Variants in PARD3 observed in about 807,000 individuals in gnomAD.
PARD3 encodes par-3 family cell polarity regulator.
Under a neutral mutation model 155.4 loss-of-function variants are expected in PARD3, and 75 were observed. The observed-to-expected ratio is 0.48, with a 90% confidence interval of 0.40 to 0.58. The LOEUF is 0.58. PARD3 is among the 20% of genes least tolerant of loss of function. The pLI, the probability that PARD3 is intolerant of heterozygous loss-of-function variation, is 0.00. For synonymous variants in PARD3, 576 were observed against 610.5 expected (o/e 0.94, Z 0.83); for missense variants, 1,642 against 1,721.7 (o/e 0.95, Z 0.82).
At chr10:34,572,640 C>CA (rs1197487501) in intron 2 of PARD3, among the ~76,000 whole-genome samples, 2,430 of 69,314 alleles carry the variant, frequency 0.035, 28 homozygotes, top group African/African-American at 0.071. Flanking sequence ...GACTCTGTCT[C>CA]AAAAAAAAAA....
intron 12 of PARD3, among the ~76,000 whole-genome samples, chr10:34,363,636 C>T (rs904117157): frequency 1.3e-5 from 2 of 152,200 alleles, no homozygotes; most frequent in Admixed American, 1.3e-4. Flanking sequence ...TAGAAACTAA[C>T]TTTCTATCAC....
At chr10:34,793,295 G>A (rs560280245) in intron 1 of PARD3, among the ~76,000 whole-genome samples, 1 of 152,330 alleles carries the variant, frequency 6.6e-6, no homozygotes, top group South Asian at 2.1e-4. Flanking sequence ...CTGGAGGGCA[G>A]TAGGACTCCA....
At chr10:34,788,485 T>C (rs1271576644) in intron 1 of PARD3, among the ~76,000 whole-genome samples, 1 of 150,110 alleles carries the variant, frequency 6.7e-6, no homozygotes, top group Admixed American at 6.7e-5. Flanking sequence ...AGTCTTGCTC[T>C]GTCACCCAAG....
intron 5 of PARD3, among the ~76,000 whole-genome samples, chr10:34,405,073 AACACAAAC>A (rs370763147): frequency 0.16 from 21,616 of 136,064 alleles, 2,366 homozygotes; most frequent in African/African-American, 0.38. Flanking sequence ...CCCCATCACA[AACACAAAC>A]ACACACACAC....
At chr10:34,367,117 A>G (rs1272824956) in intron 12 of PARD3, among the ~76,000 whole-genome samples, 1 of 152,196 alleles carries the variant, frequency 6.6e-6, no homozygotes, top group Non-Finnish European at 1.5e-5. Flanking sequence ...CATCAGACAA[A>G]CTCAAATTGA....
At position 34,131,466 on chromosome 10, in the gene PARD3, G is replaced by A. The variant is rs61735571; in HGVS notation, c.3537C>T (p.Pro1179=). 6.2e-7 allele frequency: 1 copy of A among 1,614,042 alleles called. No homozygotes were observed. Among genetic ancestry groups the A allele is most frequent in the Non-Finnish European group, 8.5e-7 (1 of 1,179,952 alleles). Residue 1179 remains proline, a synonymous_variant, in exon 23 of 25, where the codon CCC becomes CCT. Coordinates refer to ENST00000374788, the MANE Select transcript of PARD3 (RefSeq NM_001184785.2). ...DRRRTYSFEQ[P]WPNARPATQS... ...TGCTGAAGAACCAATTACTTACCCAGGGTTGCTCAAAACTATAGGTCCGCC... is the reference window on the plus strand; with the variant it reads ...TGCTGAAGAACCAATTACTTACCCAAGGTTGCTCAAAACTATAGGTCCGCC...
chr10:34,466,642 C>T (rs1317201900), intron 4 of PARD3, among the ~76,000 whole-genome samples: 1 of 152,022 alleles, frequency 6.6e-6, no homozygotes, highest in Non-Finnish European at 1.5e-5. Flanking sequence ...TACAGAAAAC[C>T]TGAACCACTA....
chr10:34,383,025 G>T (rs1164305491), intron 8 of PARD3, 103 bp from the exon 9 acceptor site: 4 of 1,318,568 alleles, frequency 3.0e-6, no homozygotes, highest in Non-Finnish European at 4.2e-6. Flanking sequence ...GAACTGACAG[G>T]CTGTTGAAAT....
chr10:34,741,140 T>A (rs932342661), intron 1 of PARD3, among the ~76,000 whole-genome samples: 9 of 150,752 alleles, frequency 6.0e-5, no homozygotes, highest in African/African-American at 2.2e-4. Flanking sequence ...AAATTGCCTA[T>A]GGAAAAGTCA....
At chr10:34,526,740 C>A (rs762514294) in intron 2 of PARD3, among the ~76,000 whole-genome samples, 48 of 152,164 alleles carry the variant, frequency 3.2e-4, no homozygotes, top group Non-Finnish European at 4.6e-4. Context: ...TGTTTAGATG[C>A]AGGGAAAGTA....
At position 34,121,420 on chromosome 10, in the gene PARD3, G is replaced by A. The variant is rs1023229746; in HGVS notation, c.3541-1680C>T. 5.3e-5 allele frequency among the ~76,000 whole-genome samples: 8 copies of A among 152,218 alleles called. No homozygotes were observed. The South Asian group carries it at 1.7e-3, about 32-fold the overall frequency. ...TATGCAACGTTGTGCAACAGGCATA[G>A]TCTGAGTGAGGAATGTCTGTTTGAA... On this transcript the variant is annotated intron_variant, in intron 23 of 24. Coordinates refer to ENST00000374788, the MANE Select transcript of PARD3 (RefSeq NM_001184785.2).
intron 22 of PARD3, among the ~76,000 whole-genome samples, chr10:34,268,538 T>C (rs1448315259): frequency 6.6e-6 from 1 of 151,566 alleles, no homozygotes; most frequent in Non-Finnish European, 1.5e-5. Flanking sequence ...CAAATGTCCA[T>C]CAATGATAGA....
chr10:34,485,981 T>C (rs2079438911), intron 3 of PARD3, among the ~76,000 whole-genome samples: 2 of 145,570 alleles, frequency 1.4e-5, no homozygotes, highest in Non-Finnish European at 3.0e-5. Flanking sequence ...TGGAGAGCAG[T>C]GTCACGATCG....
intron 1 of PARD3, 75 bp from the exon 2 acceptor site, chr10:34,696,494 A>G (rs1429768813): frequency 5.5e-6 from 5 of 910,644 alleles, no homozygotes; most frequent in Non-Finnish European, 9.0e-6. Flanking sequence ...TTAAACCGTG[A>G]TAACTTCCTG....
intron 7 of PARD3, among the ~76,000 whole-genome samples, chr10:34,389,219 C>T (rs1220908750): frequency 1.9e-5 from 2 of 107,434 alleles, no homozygotes; most frequent in African/African-American, 4.2e-5. Flanking sequence ...TTCAAGACTT[C>T]GTTTTTGAAC....
In PARD3 at chr10:34,119,721, G is replaced by A. The variant is rs61735568; in HGVS notation, c.3560C>T (p.Thr1187Met). The A allele has an allele frequency of 1.2e-3, 1,938 of 1,611,664 alleles. 16 individuals carry two copies. In the African/African-American group the frequency reaches 0.022, roughly 18 times the overall value. ...GGACACCGAGTGTCGCCCGCTCTGC[G>A]TCGCCGGCCGTGCGTTCGGCTGGAA... ...EQPWPNARPA[T>M]QSGRHSVSVE... Residue 1187 changes from threonine (T) to methionine (M), a missense_variant, in exon 24 of 25, where the codon ACG becomes ATG. Thr to Met is a moderately conservative substitution (Grantham distance 81). This residue lies in a region of PARD3 where 1,529 missense variants were observed against 1,587.3 expected (regional missense o/e 0.96). Transcript: ENST00000374788.
intron 22 of PARD3, among the ~76,000 whole-genome samples, chr10:34,143,114 G>C (rs575383438): frequency 1.1e-4 from 16 of 152,182 alleles, no homozygotes; most frequent in Non-Finnish European, 2.1e-4. Flanking sequence ...GAGGTCAAGA[G>C]ATCAAGACCA....
At chr10:34,625,011 G>A (rs2091909323) in intron 2 of PARD3, among the ~76,000 whole-genome samples, 4 of 152,154 alleles carry the variant, frequency 2.6e-5, no homozygotes, top group Admixed American at 1.3e-4. Context: ...GACCTCTCAC[G>A]GAGCCCTCAG....
At chr10:34,752,397 C>T (rs1484529073) in intron 1 of PARD3, among the ~76,000 whole-genome samples, 2 of 152,080 alleles carry the variant, frequency 1.3e-5, no homozygotes, top group Non-Finnish European at 2.9e-5. Context: ...GTCAGCATGT[C>T]GTGCAGACAT....
Sources: gnomAD v4.1 joint callset for allele counts (sites outside exome capture counted in the v4.1 genomes callset) on GRCh38, gnomAD v4.1.1 for gene constraint, gnomAD v4.1.1 regional missense constraint, MANE v1.5 for transcripts, NCBI Gene and HGNC (gene_info 2026-07-23, HGNC 2026-07-21) for gene names.